Variants in DAB2IP observed in about 807,000 individuals in gnomAD.
The protein encoded by DAB2IP is DAB2 interacting protein.
Under a neutral mutation model 107.2 loss-of-function variants are expected in DAB2IP, and 28 were observed. The observed-to-expected ratio is 0.26, with a 90% CI of 0.19 to 0.36. DAB2IP has a LOEUF of 0.36. Ranked by LOEUF, DAB2IP falls within the 10% of genes least tolerant of loss-of-function variation. DAB2IP has a pLI of 1.00. For missense variants in DAB2IP, 1,400 were observed against 1,644.7 expected, an observed-to-expected ratio of 0.85 and a Z score of 2.57; for synonymous variants, 755 against 706.4, an observed-to-expected ratio of 1.07 and a Z score of -1.09.
Position 121,669,307 on chromosome 9 carries a change from C to T in DAB2IP, c.125-9371C>T, listed in dbSNP as rs1379816856. Reference sequence around the variant, plus strand: ...ACCAGTACAGAGAAGTCCCAAGAACCCAGTTTTCTCTGATGGTTGCATCTT... The same window carrying T: ...ACCAGTACAGAGAAGTCCCAAGAACTCAGTTTTCTCTGATGGTTGCATCTT... On this transcript the variant is annotated intron_variant, in intron 1 of 15. Transcript: ENST00000408936. Among the ~76,000 whole-genome samples, 8 of 152,042 alleles carry T rather than the reference C, an allele frequency of 5.3e-5. No individual in the cohort carries two copies. The East Asian group carries it at 1.5e-3, about 29-fold the overall frequency.
At chr9:121,733,060 A>C (rs746020535) in intron 3 of DAB2IP, among the ~76,000 whole-genome samples, 1 of 152,240 alleles carries the variant, frequency 6.6e-6, no homozygotes, top group Non-Finnish European at 1.5e-5. Flanking sequence ...GCTAAGTACA[A>C]CTGGTCTCTT....
intron 3 of DAB2IP, among the ~76,000 whole-genome samples, chr9:121,708,290 A>G (rs925441264): frequency 6.6e-6 from 1 of 152,234 alleles, no homozygotes. Context: ...GAGGAAACCC[A>G]GTAACCAGGC....
intron 1 of DAB2IP, among the ~76,000 whole-genome samples, chr9:121,654,726 A>C (rs1832904917): frequency 6.6e-6 from 1 of 152,136 alleles, no homozygotes; most frequent in South Asian, 2.1e-4. Context: ...CTTGAACTTC[A>C]GCCTCCCCAT....
intron 1 of DAB2IP, among the ~76,000 whole-genome samples, chr9:121,638,119 T>C (rs1449048126): frequency 6.6e-6 from 1 of 152,130 alleles, no homozygotes; most frequent in Non-Finnish European, 1.5e-5. Context: ...TCAAAAAATA[T>C]GCAGTCGGCC....
At chr9:121,774,308 C>T in exon 13 of DAB2IP, 1 of 1,613,668 alleles carries the variant, frequency 6.2e-7, no homozygotes, top group Non-Finnish European at 8.5e-7. Context: ...AGCCGCTTGG[C>T]TCTTGACCAT....
rs370508532 is a variant in DAB2IP, at chr9:121,772,362, G to A, written c.2079-245G>A. ...GCTGAACAGGGAAGGGGTCTTCCAGGCAGCGCGGCCTGAAATGTGCAGTGC... is the reference window on the plus strand; with the variant it reads ...GCTGAACAGGGAAGGGGTCTTCCAGACAGCGCGGCCTGAAATGTGCAGTGC... On this transcript the variant is annotated intron_variant, in intron 11 of 15. Transcript: ENST00000408936. This position sits in a 1 kb window ranked among gnomAD's most constrained non-coding sequence, Gnocchi z 4.7. Among the ~76,000 whole-genome samples, 23 of 152,292 alleles carry A rather than the reference G, an allele frequency of 1.5e-4. 2 individuals carry two copies. In the East Asian group the frequency reaches 4.0e-3, roughly 27 times the overall value.
rs116187183 is a variant in DAB2IP at position 121,597,035 on chromosome 9, T to G, written c.40+29807T>G. 3.7e-3 allele frequency among the ~76,000 whole-genome samples: 565 copies of G among 152,348 alleles called. 3 individuals carry two copies. The highest frequency in any genetic ancestry group is 0.013 in the African/African-American group (542 of 41,572). ...CCATTCATGTTTCTTTTTCTGTGAATTGCCTGTTCATATATTTTGCCCAAT... is the reference window on the plus strand; with the variant it reads ...CCATTCATGTTTCTTTTTCTGTGAAGTGCCTGTTCATATATTTTGCCCAAT... On this transcript the variant is annotated intron_variant, in intron 1 of 16. Transcript: ENST00000259371.
chr9:121,615,226 T>A (rs1220067285), intron 1 of DAB2IP, among the ~76,000 whole-genome samples: 1 of 152,216 alleles, frequency 6.6e-6, no homozygotes, highest in Non-Finnish European at 1.5e-5. Flanking sequence ...GGCTGCTGAA[T>A]ACTTTATGTA....
At chr9:121,747,488 C>A (rs979517659) in intron 3 of DAB2IP, among the ~76,000 whole-genome samples, 30 of 152,098 alleles carry the variant, frequency 2.0e-4, no homozygotes, top group African/African-American at 7.2e-4. Context: ...GCTGGGACTA[C>A]AGGCGCCCGC....
chr9:121,714,519 T>C (rs1026048857), intron 3 of DAB2IP, among the ~76,000 whole-genome samples: 1 of 152,176 alleles, frequency 6.6e-6, no homozygotes, highest in Admixed American at 6.5e-5. Flanking sequence ...TCAAATATTA[T>C]AGAGGCTGGA....
chr9:121,772,922 C>T lies in DAB2IP; in HGVS notation c.2394C>T (p.Ala798=), dbSNP rs1335193731. 1.9e-6 allele frequency: 3 copies of T among 1,563,038 alleles called. No homozygotes were observed. In the South Asian group the frequency reaches 3.6e-5, roughly 19 times the overall value. ...CCCCAGTGAACCTGGCAGGGCTGGC[C>T]ACGGTGCGGCGGGCAGGCCAGACAC... Residue 798 remains alanine (A), a synonymous_variant, in exon 12 of 16, where the codon GCC becomes GCT. Transcript: ENST00000408936. This position sits in a 1 kb window ranked among gnomAD's most constrained non-coding sequence, Gnocchi z 4.7.
chr9:121,581,931 G>A (rs1830201614), intron 1 of DAB2IP, among the ~76,000 whole-genome samples: 1 of 152,208 alleles, frequency 6.6e-6, no homozygotes. Flanking sequence ...GGCTCATTAA[G>A]TGCTAGGAAA....
intron 3 of DAB2IP, among the ~76,000 whole-genome samples, chr9:121,711,935 C>T (rs1830355715): frequency 6.6e-6 from 1 of 152,198 alleles, no homozygotes; most frequent in African/African-American, 2.4e-5. Context: ...CCTCTAGACT[C>T]CCTCTGCAGA....
intron 1 of DAB2IP, among the ~76,000 whole-genome samples, chr9:121,674,204 C>A (rs1297700826): frequency 6.6e-6 from 1 of 152,198 alleles, no homozygotes; most frequent in Non-Finnish European, 1.5e-5. Flanking sequence ...AGATGACTCT[C>A]CCTCCTCCCC....
chr9:121,567,317 C>T (rs746858434), intron 1 of DAB2IP: 17 of 1,586,182 alleles, frequency 1.1e-5, no homozygotes, highest in Non-Finnish European at 1.4e-5. Flanking sequence ...TGAGTTGAAG[C>T]AGGGAGGCAG....
At chr9:121,656,295 A>G (rs1832970377) in intron 1 of DAB2IP, among the ~76,000 whole-genome samples, 1 of 151,854 alleles carries the variant, frequency 6.6e-6, no homozygotes, top group Admixed American at 6.6e-5. Flanking sequence ...GGCATGAGCC[A>G]CCGTGCCTGG....
At chr9:121,570,541 A>T (rs2118881157) in intron 1 of DAB2IP, among the ~76,000 whole-genome samples, 1 of 151,918 alleles carries the variant, frequency 6.6e-6, no homozygotes, top group South Asian at 2.1e-4. Flanking sequence ...ACACATGTTC[A>T]GTCCACAACA....
intron 1 of DAB2IP, among the ~76,000 whole-genome samples, chr9:121,610,064 GT>G (rs1186487346): frequency 4.6e-5 from 7 of 152,160 alleles, no homozygotes; most frequent in Non-Finnish European, 8.8e-5. Context: ...GTATGTGTGT[GT>G]GTGTGTGTGT....
chr9:121,779,095 CTCTT>C (rs1401010655), intron 14 of DAB2IP, among the ~76,000 whole-genome samples: 1 of 152,016 alleles, frequency 6.6e-6, no homozygotes, highest in Non-Finnish European at 1.5e-5. Flanking sequence ...TCTGTTTCTT[CTCTT>C]TGATAGTTTC....
Sources: gnomAD v4.1 joint callset for allele counts (sites outside exome capture counted in the v4.1 genomes callset) on GRCh38, gnomAD v4.1.1 for gene constraint, Gnocchi (gnomAD v3.1) non-coding constraint, MANE v1.5 for transcripts, NCBI Gene and HGNC (gene_info 2026-07-23, HGNC 2026-07-21) for gene names.